The following CRAMP1 variants were observed in gnomAD, a reference collection of about 807,000 sequenced individuals.
The protein encoded by CRAMP1 is protein cramped-like.
Under a neutral mutation model 115.4 loss-of-function variants are expected in CRAMP1, and 50 were observed. The observed-to-expected ratio is 0.43, with a 90% CI of 0.35 to 0.55. The LOEUF (loss-of-function observed/expected upper bound fraction) is 0.55. Among genes scored for constraint, CRAMP1 ranks in the 20% least tolerant of loss-of-function variants. The pLI is 0.01. For synonymous variants in CRAMP1, 866 were observed against 745.4 expected (o/e 1.16, Z -2.64); for missense variants, 1,679 against 1,721.7 (o/e 0.98, Z 0.44).
chr16:1,634,371 T>G (rs1333774800), intron 4 of CRAMP1, among the ~76,000 whole-genome samples: 1 of 152,218 alleles, frequency 6.6e-6, no homozygotes, highest in African/African-American at 2.4e-5. Flanking sequence ...CTTTTCTAAT[T>G]GTGTCACCTT....
rs2036401062 is a variant in CRAMP1 at position 1,614,671 on chromosome 16, G to C, written c.32G>C (p.Gly11Ala). 1.5e-6 allele frequency: 2 copies of C among 1,302,814 alleles called. No homozygotes were observed. Among genetic ancestry groups the C allele is most frequent in the Admixed American group, 3.6e-5 (1 of 27,438 alleles). The allele number at this position is 1,302,814 out of a possible 1,614,324, so 80.7% of individuals were successfully genotyped here. Reference protein sequence around the residue: MTVKLGDGGSGEDGLKKLGKR... With the variant: MTVKLGDGGSAEDGLKKLGKR... ...GTGAAGTTGGGCGACGGCGGCAGCG[G>C]GGAGGACGGGCTCAAGAAGCTGGGC... The change falls in exon 2 of 21, where the codon GGG (glycine) becomes GCG (alanine). Residue 11 changes from glycine to alanine, a missense_variant. This residue lies in a region of CRAMP1 where 264 missense variants were observed against 229.7 expected (regional missense o/e 1.15). Coordinates refer to ENST00000397412, the MANE Select transcript of CRAMP1 (RefSeq NM_020825.4). The surrounding 1 kb of genome is among the most constrained non-coding windows in gnomAD (Gnocchi z 4.4).
chr16:1,613,291 A>G (rs2036378294), intron 1 of CRAMP1, among the ~76,000 whole-genome samples: 2 of 152,146 alleles, frequency 1.3e-5, no homozygotes, highest in South Asian at 4.1e-4. Context: ...CAATTCCGAC[A>G]GGAGAAAACG....
intron 2 of CRAMP1, among the ~76,000 whole-genome samples, chr16:1,623,849 G>T (rs2036485988): frequency 6.6e-6 from 1 of 152,250 alleles, no homozygotes; most frequent in Admixed American, 6.5e-5. Context: ...TGAGGAATGG[G>T]CAGGGCCAGA....
At chr16:1,615,202 A>C (rs1257662749) in intron 2 of CRAMP1, among the ~76,000 whole-genome samples, 3 of 152,230 alleles carry the variant, frequency 2.0e-5, no homozygotes, top group Non-Finnish European at 4.4e-5. Context: ...AGAGGCAGTG[A>C]GTATCCTTTT....
At chr16:1,664,301 G>A (rs2036856332) in intron 13 of CRAMP1, among the ~76,000 whole-genome samples, 1 of 152,200 alleles carries the variant, frequency 6.6e-6, no homozygotes, top group Non-Finnish European at 1.5e-5. Flanking sequence ...CAAAAGCCCT[G>A]GAAAGGAGCA....
intron 2 of CRAMP1, among the ~76,000 whole-genome samples, chr16:1,616,142 A>G (rs961039043): frequency 3.3e-5 from 5 of 152,252 alleles, no homozygotes; most frequent in Admixed American, 2.0e-4. Flanking sequence ...CAGAATTTAA[A>G]ACTTGCCTCA....
chr16:1,655,252 C>T lies in CRAMP1; in HGVS notation c.1071C>T (p.Ser357=). 1 of 1,614,000 alleles carries T rather than the reference C, an allele frequency of 6.2e-7. No individual in the cohort carries two copies. The highest frequency in any genetic ancestry group is 8.5e-7 in the Non-Finnish European group (1 of 1,179,850). Residue 357 remains serine (S), a synonymous_variant, in exon 9 of 21, where the codon AGC becomes AGT. Coordinates refer to ENST00000397412, the MANE Select transcript of CRAMP1 (RefSeq NM_020825.4). The part of the protein sequence containing the change: ...MIVELHRKVS[S]LIEFLKQKWA... Reference sequence around the variant, plus strand: ...TGGAGCTACATCGAAAGGTCTCCAGCCTCATCGAATTCTTGAAGCAGAAGT... The same window carrying T: ...TGGAGCTACATCGAAAGGTCTCCAGTCTCATCGAATTCTTGAAGCAGAAGT...
At chr16:1,661,906 C>G (rs891588537) in intron 11 of CRAMP1, among the ~76,000 whole-genome samples, 14 of 152,224 alleles carry the variant, frequency 9.2e-5, no homozygotes, top group Admixed American at 2.6e-4. Context: ...ATTTCCTGTT[C>G]TTTTACCTCT....
intron 5 of CRAMP1, among the ~76,000 whole-genome samples, chr16:1,640,634 T>C (rs1018873006): frequency 6.6e-6 from 1 of 152,208 alleles, no homozygotes; most frequent in East Asian, 1.9e-4. Flanking sequence ...GGGCGTCTGC[T>C]CCAGGAAACT....
At chr16:1,625,925 C>A in intron 2 of CRAMP1, 48 bp from the exon 3 acceptor site, 1 of 1,540,730 alleles carries the variant, frequency 6.5e-7, no homozygotes, top group Non-Finnish European at 8.8e-7. Flanking sequence ...CCCTGCCCAG[C>A]CCGCCAGCTT....
At chr16:1,627,219 C>T (rs2036515176) in intron 3 of CRAMP1, among the ~76,000 whole-genome samples, 2 of 151,630 alleles carry the variant, frequency 1.3e-5, no homozygotes, top group South Asian at 4.2e-4. Flanking sequence ...AATCTGGGCT[C>T]ACTGCAACCC....
intron 4 of CRAMP1, among the ~76,000 whole-genome samples, chr16:1,633,525 C>G (rs942734355): frequency 2.6e-5 from 4 of 152,266 alleles, no homozygotes; most frequent in Non-Finnish European, 1.5e-5. Context: ...TTTCTGCTGA[C>G]TTCACCTATT....
At chr16:1,643,236 T>C (rs1299948787) in intron 6 of CRAMP1, among the ~76,000 whole-genome samples, 1 of 152,084 alleles carries the variant, frequency 6.6e-6, no homozygotes, top group Non-Finnish European at 1.5e-5. Flanking sequence ...GGAAAGTGCC[T>C]TCTGGTATAA....
chr16:1,621,477 G>A (rs965794007), intron 2 of CRAMP1, among the ~76,000 whole-genome samples: 1 of 152,228 alleles, frequency 6.6e-6, no homozygotes, highest in Non-Finnish European at 1.5e-5. Context: ...GGGAAAGCAG[G>A]TGGCAGTGTG....
chr16:1,634,279 T>C (rs1193949944), intron 4 of CRAMP1, among the ~76,000 whole-genome samples: 1 of 152,190 alleles, frequency 6.6e-6, no homozygotes, highest in Admixed American at 6.5e-5. Flanking sequence ...TATCTCCTCT[T>C]CTGAGGTTCA....
chr16:1,666,677 A>C lies in CRAMP1; in HGVS notation c.3036+77A>C, dbSNP rs2036879381. The C allele has an allele frequency of 3.7e-6, 5 of 1,341,332 alleles. No homozygotes were observed. Among genetic ancestry groups the C allele is most frequent in the Admixed American group, 3.6e-5 (2 of 55,984 alleles). 83.1% of individuals were successfully genotyped at this position (1,341,332 alleles called of 1,614,324 possible). ...ACGCCAAAGCCATGGGGCTGAGATC[A>C]CGCTGGACTCCAGCTCTGCCTTTGG... On this transcript the variant is annotated intron_variant, in intron 16 of 20. Transcript: ENST00000397412. This position sits in a 1 kb window ranked among gnomAD's most constrained non-coding sequence, Gnocchi z 5.0.
intron 3 of CRAMP1, among the ~76,000 whole-genome samples, chr16:1,627,102 T>C (rs531409161): frequency 6.6e-6 from 1 of 152,332 alleles, no homozygotes; most frequent in East Asian, 1.9e-4. Flanking sequence ...AGACTGCTTC[T>C]TTGGCATACA....
At chr16:1,633,272 A>G (rs972970922) in intron 4 of CRAMP1, among the ~76,000 whole-genome samples, 1 of 152,194 alleles carries the variant, frequency 6.6e-6, no homozygotes, top group East Asian at 1.9e-4. Context: ...AGCTTTGGGA[A>G]GAGCCAGGAC....
In CRAMP1 at chr16:1,666,596, TG is replaced by T; in HGVS notation, c.3036+1del. On this transcript the variant is annotated frameshift_variant, in exon 16 of 21. Transcript: ENST00000397412. LOFTEE classifies it high-confidence loss of function. This position sits in a 1 kb window ranked among gnomAD's most constrained non-coding sequence, Gnocchi z 5.0. ...THQDGDTLPT[V>X]GGSDPFVSIP... ...CAGGATGGAGACACCCTCCCCACCG[TG>T]GGGGTGAGTATGTTTAGAAGGGCTT... 1 of 1,613,526 alleles carries T rather than the reference TG, an allele frequency of 6.2e-7. No individual in the cohort carries two copies. Among genetic ancestry groups the T allele is most frequent in the Non-Finnish European group, 8.5e-7 (1 of 1,179,608 alleles).
Sources: gnomAD v4.1 joint callset for allele counts (sites outside exome capture counted in the v4.1 genomes callset) on GRCh38, gnomAD v4.1.1 for gene constraint, gnomAD v4.1.1 regional missense constraint, Gnocchi (gnomAD v3.1) non-coding constraint, MANE v1.5 for transcripts, NCBI Gene and HGNC (gene_info 2026-07-23, HGNC 2026-07-21) for gene names.